ATP9A: variants seen among roughly 807,000 people sequenced by gnomAD.
ATP9A encodes the protein probable phospholipid-transporting ATPase IIA.
ATP9A carries 52 observed loss-of-function variants against 144.1 expected under a neutral mutation model. That is an observed-to-expected ratio of 0.36 (90% CI 0.29 to 0.45). The LOEUF (loss-of-function observed/expected upper bound fraction) is 0.45. Ranked by LOEUF, ATP9A falls within the 20% of genes least tolerant of loss-of-function variation. The pLI is 1.00. For missense variants in ATP9A, 947 were observed against 1,392.7 expected (o/e 0.68, Z 5.09); for synonymous variants, 582 against 557.4 (o/e 1.04, Z -0.62).
At chr20:51,663,721 G>A (rs924796405) in intron 13 of ATP9A, among the ~76,000 whole-genome samples, 2 of 151,288 alleles carry the variant, frequency 1.3e-5, no homozygotes, top group East Asian at 2.0e-4. Context: ...GTGAACCCGG[G>A]AGGTGGAGCT....
intron 4 of ATP9A, among the ~76,000 whole-genome samples, chr20:51,711,799 G>A (rs1239121638): frequency 2.0e-5 from 3 of 150,716 alleles, no homozygotes; most frequent in African/African-American, 4.9e-5. Context: ...TGGGGGGTCA[G>A]TGATTAAAGC....
At position 51,611,178 on chromosome 20, in the gene ATP9A, A is replaced by AG. The variant is rs2122712316; in HGVS notation, c.2572-1014dup. ...TTAGAAATAGCATCAGACCAGGGCT[A>AG]GCTCCCCAGAGCACCTTCAATGGAC... On this transcript the variant is annotated intron_variant, in intron 23 of 27. Transcript: ENST00000338821. This position sits in a 1 kb window ranked among gnomAD's most constrained non-coding sequence, Gnocchi z 4.2. 6.6e-6 allele frequency among the ~76,000 whole-genome samples: 1 copy of AG among 152,324 alleles called. No homozygotes were observed. The highest frequency in any genetic ancestry group is 1.5e-5 in the Non-Finnish European group (1 of 68,024).
intron 1 of ATP9A, among the ~76,000 whole-genome samples, chr20:51,736,582 G>A (rs1218893283): frequency 6.7e-6 from 1 of 148,458 alleles, no homozygotes; most frequent in African/African-American, 2.5e-5. Context: ...TCGAACTCCT[G>A]GGCTCAAGCT....
chr20:51,640,794 C>A (rs1364647209), intron 14 of ATP9A, among the ~76,000 whole-genome samples: 4 of 152,166 alleles, frequency 2.6e-5, no homozygotes, highest in Non-Finnish European at 4.4e-5. Context: ...CAGCCCCAGC[C>A]AAAGGAGGCT....
chr20:51,718,814 C>CAAAAAAAAAAAAAACAAAAAAAAA (rs2077674561), intron 3 of ATP9A, among the ~76,000 whole-genome samples: 1 of 57,708 alleles, frequency 1.7e-5, no homozygotes, highest in Non-Finnish European at 3.0e-5. Context: ...GACTCCATCT[C>CAAAAAAAAAAAAAACAAAAAAAAA]AAAAAAAAAA....
Position 51,608,328 on chromosome 20 carries a change from T to A in ATP9A, c.2745+190A>T, listed in dbSNP as rs561014742. Among the ~76,000 whole-genome samples the A allele has an allele frequency of 3.3e-4, 51 of 152,296 alleles. No individual in the cohort carries two copies. The South Asian group carries it at 6.2e-3, about 19-fold the overall frequency. On this transcript the variant is annotated intron_variant, in intron 25 of 27. Transcript: ENST00000338821. Reference sequence around the variant, plus strand: ...TTCTTTATACCAGTGAATATATTACTGCTTTAAGAAAAAATGTAAACTCCC... The same window carrying A: ...TTCTTTATACCAGTGAATATATTACAGCTTTAAGAAAAAATGTAAACTCCC...
intron 14 of ATP9A, among the ~76,000 whole-genome samples, chr20:51,644,678 C>T (rs2077334818): frequency 6.6e-6 from 1 of 152,022 alleles, no homozygotes; most frequent in African/African-American, 2.4e-5. Flanking sequence ...ATTACAAATA[C>T]CTAGTTATGT....
chr20:51,766,633 A>T (rs1482285610), intron 1 of ATP9A, among the ~76,000 whole-genome samples: 3 of 152,100 alleles, frequency 2.0e-5, no homozygotes, highest in African/African-American at 7.2e-5. Flanking sequence ...CGAGGTCAGG[A>T]GTTCAAGACA....
chr20:51,718,115 G>C (rs1717946834), intron 3 of ATP9A, among the ~76,000 whole-genome samples: 1 of 152,178 alleles, frequency 6.6e-6, no homozygotes, highest in Admixed American at 6.5e-5. Flanking sequence ...AGGCGGCAGA[G>C]ACCAGACTGC....
chr20:51,691,651 G>C (rs1368545813), intron 7 of ATP9A, among the ~76,000 whole-genome samples: 1 of 152,198 alleles, frequency 6.6e-6, no homozygotes, highest in African/African-American at 2.4e-5. Context: ...CTGTTGCTGG[G>C]AACGCAAGAT....
At chr20:51,712,282 G>A (rs2077642777) in intron 4 of ATP9A, among the ~76,000 whole-genome samples, 1 of 152,054 alleles carries the variant, frequency 6.6e-6, no homozygotes, top group Non-Finnish European at 1.5e-5. Flanking sequence ...CACCATGTTA[G>A]CCAGGATGGT....
At chr20:51,686,922 G>A (rs569443139) in intron 9 of ATP9A, among the ~76,000 whole-genome samples, 3 of 124,378 alleles carry the variant, frequency 2.4e-5, no homozygotes, top group Middle Eastern at 4.0e-3. Context: ...GCCACAGAGG[G>A]ACTCTTTTTT....
In ATP9A at chr20:51,638,782, T is replaced by C. The variant is rs539340677; in HGVS notation, c.1668+561A>G. Among the ~76,000 whole-genome samples, 3 of 152,220 alleles carry C rather than the reference T, an allele frequency of 2.0e-5. 1 individual carries two copies. The South Asian group carries it at 6.2e-4, about 32-fold the overall frequency. Reference sequence around the variant, plus strand: ...GGAGGCTGAGGTGGGAGGACTCTTATAAATACATTCTTTTAATAAGAATTT... The same window carrying C: ...GGAGGCTGAGGTGGGAGGACTCTTACAAATACATTCTTTTAATAAGAATTT... On this transcript the variant is annotated intron_variant, in intron 15 of 27. Transcript: ENST00000338821.
At chr20:51,637,854 T>G (rs540970827) in intron 15 of ATP9A, among the ~76,000 whole-genome samples, 1 of 151,184 alleles carries the variant, frequency 6.6e-6, no homozygotes, top group Non-Finnish European at 1.5e-5. Flanking sequence ...CTCACCGTCC[T>G]CCCACCCTTT....
intron 22 of ATP9A, among the ~76,000 whole-genome samples, chr20:51,616,617 C>T (rs2077203895): frequency 6.6e-6 from 1 of 152,346 alleles, no homozygotes; most frequent in South Asian, 2.1e-4. Context: ...CCGCTTCCAG[C>T]CCTTCACACA....
At chr20:51,738,405 G>A (rs1432533878) in intron 1 of ATP9A, among the ~76,000 whole-genome samples, 8 of 152,104 alleles carry the variant, frequency 5.3e-5, no homozygotes, top group Non-Finnish European at 8.8e-5. Flanking sequence ...AAGCTCCATC[G>A]AAAGTGTATG....
rs536169056 is a variant in ATP9A at position 51,624,722 on chromosome 20, G to C, written c.2016+470C>G. Among the ~76,000 whole-genome samples the C allele has an allele frequency of 4.6e-5, 7 of 152,164 alleles. No individual in the cohort carries two copies. In the East Asian group the frequency reaches 1.4e-3, roughly 29 times the overall value. ...AAGATGTCTTCCAAAATCAGGGCTG[G>C]AGGGCCAGGCACAGTGGCTCACACC... On this transcript the variant is annotated intron_variant, in intron 18 of 27. Coordinates refer to ENST00000338821, the MANE Select transcript of ATP9A (RefSeq NM_006045.3).
At chr20:51,763,528 T>C (rs1239343730) in intron 1 of ATP9A, among the ~76,000 whole-genome samples, 2 of 151,902 alleles carry the variant, frequency 1.3e-5, no homozygotes, top group African/African-American at 4.8e-5. Flanking sequence ...TTAGCCAGGA[T>C]GGTCTGGATC....
intron 4 of ATP9A, among the ~76,000 whole-genome samples, chr20:51,711,794 G>A (rs555307659): frequency 6.6e-6 from 1 of 150,534 alleles, no homozygotes; most frequent in African/African-American, 2.4e-5. Context: ...GCAAGTGGGG[G>A]GTCAGTGATT....
Sources: allele counts gnomAD v4.1 joint callset (sites outside exome capture counted in the v4.1 genomes callset), GRCh38; gene constraint gnomAD v4.1.1; non-coding constraint Gnocchi (gnomAD v3.1); transcripts MANE v1.5; gene names NCBI Gene and HGNC (gene_info 2026-07-23, HGNC 2026-07-21).